GABRB1: variants seen among roughly 807,000 people sequenced by gnomAD.
GABRB1 encodes gamma-aminobutyric acid type A receptor subunit beta1, also known as gamma-aminobutyric acid receptor subunit beta-1.
Under a neutral mutation model 51.6 loss-of-function variants are expected in GABRB1, and 17 were observed. That is an observed-to-expected ratio of 0.33 (90% CI 0.23 to 0.49). The LOEUF (loss-of-function observed/expected upper bound fraction) is 0.49. Among genes scored for constraint, GABRB1 ranks in the 20% least tolerant of loss-of-function variants. The pLI is 0.99. For missense variants in GABRB1, 410 were observed against 600.6 expected (o/e 0.68, Z 3.32); for synonymous variants, 247 against 218.9 (o/e 1.13, Z -1.14).
chr4:47,251,585 G>A (rs116721536), intron 4 of GABRB1, among the ~76,000 whole-genome samples: 2,866 of 152,246 alleles, frequency 0.019, 104 homozygotes, highest in African/African-American at 0.066. Context: ...AGCTAGGCAT[G>A]TCTGAGCTCA....
intron 5 of GABRB1, among the ~76,000 whole-genome samples, chr4:47,384,286 T>G (rs1727701469): frequency 6.6e-6 from 1 of 152,074 alleles, no homozygotes; most frequent in South Asian, 2.1e-4. Flanking sequence ...CATAAACATT[T>G]TGCCATCACT....
chr4:47,137,629 G>A (rs936449461), intron 3 of GABRB1, among the ~76,000 whole-genome samples: 1 of 152,004 alleles, frequency 6.6e-6, no homozygotes, highest in African/African-American at 2.4e-5. Context: ...CTGATAATGA[G>A]CAACCACAAC....
chr4:47,391,030 G>A (rs1220809755), intron 5 of GABRB1, among the ~76,000 whole-genome samples: 1 of 152,088 alleles, frequency 6.6e-6, no homozygotes, highest in Non-Finnish European at 1.5e-5. Context: ...ACAAAAATTA[G>A]CAGGGTGTGG....
intron 3 of GABRB1, among the ~76,000 whole-genome samples, chr4:47,156,683 T>C (rs1305206859): frequency 6.6e-6 from 1 of 152,006 alleles, no homozygotes; most frequent in Non-Finnish European, 1.5e-5. Context: ...ATATGTTGTT[T>C]TGGGGACAGG....
chr4:47,343,538 G>C (rs1194706438), intron 5 of GABRB1, among the ~76,000 whole-genome samples: 1 of 152,090 alleles, frequency 6.6e-6, no homozygotes, highest in South Asian at 2.1e-4. Flanking sequence ...GTTGAATGCT[G>C]TGAAAATCCC....
At chr4:47,360,846 AGTTGTG>A (rs1231022990) in intron 5 of GABRB1, among the ~76,000 whole-genome samples, 2 of 152,148 alleles carry the variant, frequency 1.3e-5, no homozygotes, top group Admixed American at 1.3e-4. Context: ...TGGTAATTCA[AGTTGTG>A]GTCAGAAATA....
chr4:47,100,551 C>T (rs1337699270), intron 3 of GABRB1, among the ~76,000 whole-genome samples: 1 of 151,976 alleles, frequency 6.6e-6, no homozygotes. Context: ...TCCTAGAAAT[C>T]TCTCCTTTTT....
At chr4:47,187,089 C>T (rs1403857082) in intron 4 of GABRB1, among the ~76,000 whole-genome samples, 1 of 151,828 alleles carries the variant, frequency 6.6e-6, no homozygotes, top group East Asian at 1.9e-4. Context: ...GATTCCAGTG[C>T]TTTTACATTT....
chr4:47,009,324 A>G (rs1448768879), intron 1 of GABRB1, among the ~76,000 whole-genome samples: 4 of 151,864 alleles, frequency 2.6e-5, no homozygotes, highest in African/African-American at 9.7e-5. Context: ...CACACAAAAT[A>G]TATACCATTA....
rs377479521 is a variant in GABRB1, at chr4:47,217,250, A to G, written c.461+55781A>G. 5.9e-5 allele frequency among the ~76,000 whole-genome samples: 9 copies of G among 151,952 alleles called. No individual in the cohort carries two copies. The South Asian group carries it at 1.0e-3, about 17-fold the overall frequency. On this transcript the variant is annotated intron_variant, in intron 4 of 8. Coordinates refer to ENST00000295454, the MANE Select transcript of GABRB1 (RefSeq NM_000812.4). ...TAGGCAGGGACTTTCAACTGTATCTATAGTATTAAATACCTAAGTAGAAAA... is the reference window on the plus strand; with the variant it reads ...TAGGCAGGGACTTTCAACTGTATCTGTAGTATTAAATACCTAAGTAGAAAA...
intron 3 of GABRB1, among the ~76,000 whole-genome samples, chr4:47,131,658 A>C (rs1472632162): frequency 6.6e-6 from 1 of 152,168 alleles, no homozygotes; most frequent in Non-Finnish European, 1.5e-5. Flanking sequence ...GAAAATATTC[A>C]ATGATTTCAA....
intron 4 of GABRB1, among the ~76,000 whole-genome samples, chr4:47,178,844 A>T (rs549940348): frequency 3.3e-5 from 5 of 152,122 alleles, no homozygotes; most frequent in Non-Finnish European, 7.4e-5. Context: ...TTGAATGTAG[A>T]GAAAATACAG....
chr4:47,088,850 C>T (rs985583139), intron 3 of GABRB1, among the ~76,000 whole-genome samples: 3 of 152,128 alleles, frequency 2.0e-5, no homozygotes, highest in Non-Finnish European at 2.9e-5. Flanking sequence ...TTACAAGGCG[C>T]ACCTTTGCTT....
intron 4 of GABRB1, among the ~76,000 whole-genome samples, chr4:47,292,277 C>T (rs974508527): frequency 2.0e-5 from 3 of 152,204 alleles, no homozygotes; most frequent in Non-Finnish European, 4.4e-5. Flanking sequence ...GAGGCATCCC[C>T]AGCATGTGGA....
intron 5 of GABRB1, among the ~76,000 whole-genome samples, chr4:47,321,737 G>T (rs1440543026): frequency 6.7e-6 from 1 of 150,184 alleles, no homozygotes; most frequent in Non-Finnish European, 1.5e-5. Context: ...ATACATATTA[G>T]TTGTTTGTTA....
chr4:47,202,147 A>G (rs1399012242), intron 4 of GABRB1, among the ~76,000 whole-genome samples: 2 of 152,214 alleles, frequency 1.3e-5, no homozygotes, highest in Non-Finnish European at 2.9e-5. Context: ...AAGTAATTGA[A>G]TCATCGGGGG....
chr4:47,264,231 A>T (rs1722561082), intron 4 of GABRB1, among the ~76,000 whole-genome samples: 1 of 152,176 alleles, frequency 6.6e-6, no homozygotes, highest in African/African-American at 2.4e-5. Flanking sequence ...CATAGGAAAG[A>T]CTTAAACCCG....
In GABRB1 at chr4:47,418,271, A is replaced by G. The variant is rs559325642; in HGVS notation, c.1081-7403A>G. Reference sequence around the variant, plus strand: ...ATTTCTTGCAATTGTGGAAGCTGGCAAGTCCAAAATCTGTCAGGCAGGTTG... The same window carrying G: ...ATTTCTTGCAATTGTGGAAGCTGGCGAGTCCAAAATCTGTCAGGCAGGTTG... On this transcript the variant is annotated intron_variant, in intron 8 of 8. Coordinates refer to ENST00000295454, the MANE Select transcript of GABRB1 (RefSeq NM_000812.4). Among the ~76,000 whole-genome samples the G allele has an allele frequency of 5.3e-5, 8 of 152,350 alleles. No homozygotes were observed. The South Asian group carries it at 1.0e-3, about 20-fold the overall frequency.
intron 4 of GABRB1, among the ~76,000 whole-genome samples, chr4:47,208,357 CT>C (rs1720221832): frequency 1.3e-5 from 2 of 151,898 alleles, no homozygotes; most frequent in Admixed American, 6.6e-5. Context: ...GGAATTAATG[CT>C]TAATAGGTAC....
Sources: allele counts gnomAD v4.1 joint callset (sites outside exome capture counted in the v4.1 genomes callset), GRCh38; gene constraint gnomAD v4.1.1; transcripts MANE v1.5; gene names NCBI Gene and HGNC (gene_info 2026-07-23, HGNC 2026-07-21).